The following DAGLB variants were observed in gnomAD, a reference collection of about 807,000 sequenced individuals.
DAGLB encodes diacylglycerol lipase-beta.
In DAGLB, 66 loss-of-function variants were observed where a neutral mutation model predicts 72.1. The ratio of observed to expected loss-of-function variants is 0.92; its 90% CI spans 0.75 to 1.12. The LOEUF is 1.12. Among genes scored for constraint, DAGLB ranks in the 50% most tolerant of loss-of-function variants. The pLI, the probability that DAGLB is intolerant of heterozygous loss-of-function variation, is 0.00. For missense variants in DAGLB, 1,065 were observed against 884.9 expected (o/e 1.20, Z -2.58); for synonymous variants, 414 against 359.5 (o/e 1.15, Z -1.71).
chr7:6,414,892 G>A (rs1051481804), intron 11 of DAGLB, among the ~76,000 whole-genome samples: 3 of 152,108 alleles, frequency 2.0e-5, no homozygotes, highest in African/African-American at 7.2e-5. Context: ...AATGAGGCCA[G>A]GCACAGTGCT....
At position 6,447,948 on chromosome 7, in the gene DAGLB, C is replaced by A. The variant is rs1052093315; in HGVS notation, c.-106G>T. The A allele has an allele frequency of 1.4e-6, 2 of 1,455,566 alleles. No individual in the cohort carries two copies. Among genetic ancestry groups the A allele is most frequent in the East Asian group, 5.1e-5 (2 of 38,940 alleles). 90.2% of individuals were successfully genotyped at this position (1,455,566 alleles called of 1,614,324 possible). ...CCACCAAATTATCGGCGCTCAAGCG[C>A]AAACGCAGCGAGGGCGGGGACCTGC... On this transcript the variant is annotated 5_prime_UTR_variant, in exon 1 of 15. Transcript: ENST00000297056.
intron 11 of DAGLB, among the ~76,000 whole-genome samples, chr7:6,415,734 A>G (rs950843798): frequency 3.3e-5 from 5 of 151,252 alleles, no homozygotes; most frequent in Non-Finnish European, 7.4e-5. Context: ...AGTCCCAGCT[A>G]CTCGGGAGGC....
At chr7:6,422,047 A>G (rs1213899311) in intron 8 of DAGLB, 1 of 625,456 alleles carries the variant, frequency 1.6e-6, no homozygotes, top group African/African-American at 1.8e-5. Flanking sequence ...GAGTGTGCCT[A>G]AGACACGCCC....
chr7:6,416,202 G>A (rs1185790523), intron 11 of DAGLB: 1 of 156,070 alleles, frequency 6.4e-6, no homozygotes, highest in African/African-American at 2.4e-5. Context: ...TGGTCACATA[G>A]GTCTAAGAAA....
rs35074640 is a variant in DAGLB, at chr7:6,409,470, T to TG, written c.*366dup. 0.17 allele frequency: 40,640 copies of TG among 238,974 alleles called. 7,049 individuals carry two copies. Among genetic ancestry groups the TG allele is most frequent in the East Asian group, 0.55 (5,424 of 9,774 alleles). 14.8% of individuals were successfully genotyped at this position (238,974 alleles called of 1,614,324 possible). On this transcript the variant is annotated 3_prime_UTR_variant, in exon 15 of 15. Transcript: ENST00000297056. ...CTGAGTTGGATGAAAAGAGCTGCCT[T>TG]GGGGGTGGGAGGCTAAGGAACTGTT...
chr7:6,435,125 A>AG (rs1784613474), intron 3 of DAGLB, 105 bp from the exon 4 acceptor site: 1 of 1,502,740 alleles, frequency 6.7e-7, no homozygotes, highest in Non-Finnish European at 8.9e-7. Context: ...TCTACCACGG[A>AG]GGGTTCTGTT....
At chr7:6,433,319 T>C (rs1784552065) in intron 4 of DAGLB, among the ~76,000 whole-genome samples, 1 of 152,236 alleles carries the variant, frequency 6.6e-6, no homozygotes, top group Admixed American at 6.5e-5. Flanking sequence ...CCCACGTTTA[T>C]ACTCTCATTT....
At chr7:6,423,266 T>A (rs1233768568) in intron 8 of DAGLB, among the ~76,000 whole-genome samples, 1 of 151,658 alleles carries the variant, frequency 6.6e-6, no homozygotes, top group Non-Finnish European at 1.5e-5. Context: ...AAACAAACAA[T>A]CAAACAGACT....
chr7:6,424,785 AAC>A lies in DAGLB; in HGVS notation c.1105_1106del (p.Val369CysfsTer22). On this transcript the variant is annotated frameshift_variant, in exon 8 of 15. Transcript: ENST00000297056. LOFTEE classifies it high-confidence loss of function. ...LVALDHRKESVVVAVRGTMSL... is the reference protein window; with the variant it reads ...LVALDHRKESXVVAVRGTMSL... The stretch of plus-strand genomic sequence containing the variant: ...ACATGGTCCCCCTCACAGCGACCAC[AAC>A]AGACTCTTTCCTGTGATCCAGAGCC... 6.2e-7 allele frequency: 1 copy of A among 1,613,942 alleles called. No homozygotes were observed. The highest frequency in any genetic ancestry group is 8.5e-7 in the Non-Finnish European group (1 of 1,179,902).
rs771119310 is a variant in DAGLB at position 6,436,512 on chromosome 7, G to A, written c.269C>T (p.Pro90Leu). The A allele has an allele frequency of 1.2e-5, 19 of 1,613,932 alleles. No homozygotes were observed. Among genetic ancestry groups the A allele is most frequent in the East Asian group, 6.7e-5 (3 of 44,898 alleles). The change falls in exon 3 of 15, where the codon CCG becomes CTG. Residue 90 changes from proline (P) to leucine (L), a missense_variant. Coordinates refer to ENST00000297056, the MANE Select transcript of DAGLB (RefSeq NM_139179.4). Reference protein sequence around the residue: ...SMRGTICNPGPRKSMSKLLYI... With the variant: ...SMRGTICNPGLRKSMSKLLYI... ...AAGCAGCTTAGACATAGACTTCCGC[G>A]GTCCAGGGTTACAAATCGTTCCTGA...
At chr7:6,439,857 GC>G (rs1261653304) in intron 2 of DAGLB, among the ~76,000 whole-genome samples, 1 of 151,880 alleles carries the variant, frequency 6.6e-6, no homozygotes, top group Non-Finnish European at 1.5e-5. Context: ...TTCGAGACCA[GC>G]CTGGCCAACA....
At chr7:6,429,201 G>A (rs1784404251) in intron 6 of DAGLB, among the ~76,000 whole-genome samples, 1 of 151,948 alleles carries the variant, frequency 6.6e-6, no homozygotes, top group Non-Finnish European at 1.5e-5. Flanking sequence ...CTGGCATCAT[G>A]TATCCCCTGA....
chr7:6,420,784 G>T (rs1784088744), intron 9 of DAGLB, among the ~76,000 whole-genome samples: 1 of 152,182 alleles, frequency 6.6e-6, no homozygotes, highest in African/African-American at 2.4e-5. Context: ...TCTGGGCAGG[G>T]GGTTTTCATT....
chr7:6,414,165 C>A (rs1226611330), intron 11 of DAGLB, among the ~76,000 whole-genome samples: 1 of 152,034 alleles, frequency 6.6e-6, no homozygotes, highest in Non-Finnish European at 1.5e-5. Flanking sequence ...CGCCCACCAC[C>A]ACGCCCAGCT....
chr7:6,441,600 G>A (rs1000107901), intron 2 of DAGLB, among the ~76,000 whole-genome samples: 3 of 149,070 alleles, frequency 2.0e-5, no homozygotes, highest in Non-Finnish European at 3.0e-5. Context: ...TGTATTTTTA[G>A]AAGAGACGGG....
intron 2 of DAGLB, among the ~76,000 whole-genome samples, chr7:6,436,738 G>C (rs578138524): frequency 1.3e-5 from 2 of 152,160 alleles, no homozygotes; most frequent in East Asian, 3.9e-4. Context: ...AGAAGTCCTG[G>C]GCTCTTTTTT....
chr7:6,410,067 C>G (rs377478824), intron 14 of DAGLB, 32 bp from the exon 15 acceptor site: 54 of 1,600,226 alleles, frequency 3.4e-5, no homozygotes, highest in Non-Finnish European at 4.6e-5. Flanking sequence ...AGCTCCCACG[C>G]GGCCCCAGGG....
chr7:6,447,760 A>G lies in DAGLB; in HGVS notation c.83T>C (p.Val28Ala). Residue 28 changes from valine (V) to alanine (A), a missense_variant, in exon 1 of 15, where the codon GTG (valine) becomes GCG (alanine). Physicochemically the swap from Val to Ala is moderately conservative, Grantham distance 64. Coordinates refer to ENST00000297056, the MANE Select transcript of DAGLB (RefSeq NM_139179.4). ...LVFPGFFELVVRVLWWIGILT... is the reference protein window; with the variant it reads ...LVFPGFFELVARVLWWIGILT... ...CCGCCGTCCTTACCACAGCACTCGC[A>G]CGACCAGCTCGAAGAACCCTGGGAA... 2.5e-6 allele frequency: 4 copies of G among 1,613,302 alleles called. No individual in the cohort carries two copies. The highest frequency in any genetic ancestry group is 3.4e-6 in the Non-Finnish European group (4 of 1,179,732).
intron 3 of DAGLB, 136 bp from the exon 4 acceptor site, chr7:6,435,156 C>A: frequency 7.6e-7 from 1 of 1,321,162 alleles, no homozygotes; most frequent in Non-Finnish European, 1.0e-6. Context: ...ATGCAGCTCT[C>A]CTGGAACCTG....
Sources: gnomAD v4.1 joint callset for allele counts (sites outside exome capture counted in the v4.1 genomes callset) on GRCh38, gnomAD v4.1.1 for gene constraint, MANE v1.5 for transcripts, NCBI Gene and HGNC (gene_info 2026-07-23, HGNC 2026-07-21) for gene names.